Variants in ZCCHC2 observed in about 807,000 individuals in gnomAD.
The protein encoded by ZCCHC2 is zinc finger CCHC-type containing 2, also known as zinc finger CCHC domain-containing protein 2.
Under a neutral mutation model 103.6 loss-of-function variants are expected in ZCCHC2, and 39 were observed. The ratio of observed to expected loss-of-function variants is 0.38; its 90% CI spans 0.29 to 0.49. The LOEUF is 0.49. ZCCHC2 is among the 20% of genes least tolerant of loss of function. The probability of loss-of-function intolerance (pLI) is 0.96; values close to 1 mark genes in which losing one functional copy is unlikely to be tolerated. For synonymous variants in ZCCHC2, 687 were observed against 608.9 expected (o/e 1.13, Z -1.89); for missense variants, 1,483 against 1,491.0 (o/e 0.99, Z 0.09).
intron 4 of ZCCHC2, among the ~76,000 whole-genome samples, chr18:62,546,867 C>T (rs2050022287): frequency 6.6e-6 from 1 of 152,204 alleles, no homozygotes; most frequent in Non-Finnish European, 1.5e-5. Context: ...CCTGCTTAGC[C>T]AGTATTTGGA....
chr18:62,548,533 G>C (rs1471042584), intron 4 of ZCCHC2, among the ~76,000 whole-genome samples: 1 of 152,182 alleles, frequency 6.6e-6, no homozygotes, highest in Non-Finnish European at 1.5e-5. Context: ...TATAAATTGT[G>C]TTTAAAATGG....
rs564567820 is a variant in ZCCHC2 at position 62,570,806 on chromosome 18, A to C, written c.1975+575A>C. 1.1e-4 allele frequency among the ~76,000 whole-genome samples: 16 copies of C among 152,240 alleles called. No homozygotes were observed. In the South Asian group the frequency reaches 1.7e-3, roughly 16 times the overall value. On this transcript the variant is annotated intron_variant, in intron 12 of 13. Transcript: ENST00000269499. ...TTTATTCATTCTGCCGATCTCTGCT[A>C]TTTGTCCATTTACATTTAATGTAAT...
chr18:62,542,563 T>C lies in ZCCHC2; in HGVS notation c.1117T>C (p.Tyr373His). 1 of 1,561,536 alleles carries C rather than the reference T, an allele frequency of 6.4e-7. No individual in the cohort carries two copies. The highest frequency in any genetic ancestry group is 2.4e-5 in the East Asian group (1 of 42,264). The change falls in exon 3 of 14, where the codon TAC becomes CAC. Residue 373 changes from tyrosine (Y) to histidine (H), a missense_variant. By Grantham distance (83) the Tyr-to-His change is moderately conservative. Coordinates refer to ENST00000269499, the MANE Select transcript of ZCCHC2 (RefSeq NM_017742.6). ...AAAAAGAGCTGACAAATACTGGGAG[T>C]ACACTTTCAAAGTAAGCCATTTTCC... is the stretch of plus-strand genomic sequence containing the variant. ...QRKRADKYWEYTFKVNWSDLS... is the reference protein window; with the variant it reads ...QRKRADKYWEHTFKVNWSDLS...
rs373078662 is a variant in ZCCHC2 at position 62,539,115 on chromosome 18, C to G, written c.940-566C>G. 2.0e-5 allele frequency among the ~76,000 whole-genome samples: 3 copies of G among 152,102 alleles called. No individual in the cohort carries two copies. The South Asian group carries it at 6.2e-4, about 32-fold the overall frequency. ...TCGGATCTAGGAGTCAAAGTTACCC[C>G]GGTTCACTAGTGATTGGCTGAGCAA... On this transcript the variant is annotated intron_variant, in intron 1 of 13. Coordinates refer to ENST00000269499, the MANE Select transcript of ZCCHC2 (RefSeq NM_017742.6).
intron 1 of ZCCHC2, among the ~76,000 whole-genome samples, chr18:62,531,120 T>C (rs1914654948): frequency 6.6e-6 from 1 of 152,206 alleles, no homozygotes; most frequent in Non-Finnish European, 1.5e-5. Flanking sequence ...ACTGAACTTA[T>C]TTTATTGACT....
chr18:62,574,191 T>G lies in ZCCHC2; in HGVS notation c.2110T>G (p.Leu704Val). Residue 704 changes from leucine to valine, a missense_variant, in exon 13 of 14, where the codon TTA becomes GTA. Coordinates refer to ENST00000269499, the MANE Select transcript of ZCCHC2 (RefSeq NM_017742.6). ...ASLGNENGNL[L>V]EDPLNSPKYQ... ...ACTAGGAAATGAGAATGGAAACCTTTTAGAAGATCCCTTAAACTCACCCAA... is the reference window on the plus strand; with the variant it reads ...ACTAGGAAATGAGAATGGAAACCTTGTAGAAGATCCCTTAAACTCACCCAA... 6.2e-7 allele frequency: 1 copy of G among 1,614,066 alleles called. No homozygotes were observed. The highest frequency in any genetic ancestry group is 8.5e-7 in the Non-Finnish European group (1 of 1,179,894).
chr18:62,558,417 C>T (rs2092906860), intron 6 of ZCCHC2: 1 of 214,086 alleles, frequency 4.7e-6, no homozygotes, highest in South Asian at 1.8e-4. Flanking sequence ...ACTTTATTTC[C>T]TCATTTTGCA....
At chr18:62,575,988 G>C (rs1251403627) in intron 13 of ZCCHC2, among the ~76,000 whole-genome samples, 1 of 150,830 alleles carries the variant, frequency 6.6e-6, no homozygotes, top group African/African-American at 2.4e-5. Flanking sequence ...GCTGCCTCAT[G>C]CCTGTTTCCC....
rs1175752766 is a variant in ZCCHC2 at position 62,576,659 on chromosome 18, T to C, written c.*80T>C. On this transcript the variant is annotated 3_prime_UTR_variant, in exon 14 of 14. Coordinates refer to ENST00000269499, the MANE Select transcript of ZCCHC2 (RefSeq NM_017742.6). ...GGAGGGGAGGAAAGGAAAGGTATTTTGTTTCTTTGTCTATACATTTCCTAG... is the reference window on the plus strand; with the variant it reads ...GGAGGGGAGGAAAGGAAAGGTATTTCGTTTCTTTGTCTATACATTTCCTAG... 5.8e-6 allele frequency: 8 copies of C among 1,369,718 alleles called. No homozygotes were observed. Among genetic ancestry groups the C allele is most frequent in the African/African-American group, 1.4e-5 (1 of 69,428 alleles). The allele number at this position is 1,369,718 out of a possible 1,614,324, so 84.8% of individuals were successfully genotyped here. A position where few individuals can be genotyped will look rare whatever the true frequency, so the allele number is the denominator to read the frequency against.
At chr18:62,547,598 C>T (rs1442883742) in intron 4 of ZCCHC2, among the ~76,000 whole-genome samples, 1 of 150,828 alleles carries the variant, frequency 6.6e-6, no homozygotes, top group Non-Finnish European at 1.5e-5. Flanking sequence ...ATATCCCAGG[C>T]TGGAGTGTAA....
intron 1 of ZCCHC2, among the ~76,000 whole-genome samples, chr18:62,536,751 CATTT>C (rs1914946194): frequency 1.3e-5 from 2 of 152,166 alleles, no homozygotes; most frequent in Admixed American, 6.5e-5. Flanking sequence ...AGAAAATAAA[CATTT>C]AATTAGTAGA....
intron 1 of ZCCHC2, among the ~76,000 whole-genome samples, chr18:62,533,686 G>A (rs1200999430): frequency 6.6e-6 from 1 of 151,946 alleles, no homozygotes; most frequent in Non-Finnish European, 1.5e-5. Flanking sequence ...GACCAACATA[G>A]TGAAACCCTG....
Position 62,544,784 on chromosome 18 carries a change from GTGT to G in ZCCHC2, c.1129-16_1129-14del. 1 of 1,534,242 alleles carries G rather than the reference GTGT, an allele frequency of 6.5e-7. No homozygotes were observed. On this transcript the variant is annotated splice_polypyrimidine_tract_variant and intron_variant, in intron 3 of 13. Coordinates refer to ENST00000269499, the MANE Select transcript of ZCCHC2 (RefSeq NM_017742.6). ...CCTAGGGAATAACCATATAATATGT[GTGT>G]TTTTTTTAAATCAGGTAAATTGGTC... is the stretch of plus-strand genomic sequence containing the variant.
Position 62,550,479 on chromosome 18 carries a change from C to T in ZCCHC2, c.1313+19C>T. ...TCCTAAGGTAATGATTTACCTGACG[C>T]CTATCATAGCAGCATACACACAGGA... On this transcript the variant is annotated intron_variant, in intron 5 of 13. Transcript: ENST00000269499. The T allele has an allele frequency of 1.3e-6, 2 of 1,583,910 alleles. No homozygotes were observed. Among genetic ancestry groups the T allele is most frequent in the Non-Finnish European group, 1.7e-6 (2 of 1,156,212 alleles).
intron 13 of ZCCHC2, 97 bp from the exon 14 acceptor site, chr18:62,576,415 C>G: frequency 9.8e-7 from 1 of 1,019,600 alleles, no homozygotes; most frequent in East Asian, 2.5e-5. Context: ...GACGAAGGTG[C>G]CTTGTGGAGA....
At chr18:62,524,823 TCTCCGGG>T (rs1304505825) in intron 1 of ZCCHC2, 1 of 162,232 alleles carries the variant, frequency 6.2e-6, no homozygotes, top group Non-Finnish European at 1.3e-5. Context: ...CCGCCTCCCG[TCTCCGGG>T]CTCTGCCGGG....
chr18:62,548,741 G>A (rs1915528558), intron 4 of ZCCHC2, among the ~76,000 whole-genome samples: 2 of 151,692 alleles, frequency 1.3e-5, no homozygotes, highest in South Asian at 4.2e-4. Context: ...TAACCAACAT[G>A]GAAACCCCAT....
At chr18:62,534,405 A>G (rs1269139232) in intron 1 of ZCCHC2, among the ~76,000 whole-genome samples, 4 of 152,008 alleles carry the variant, frequency 2.6e-5, no homozygotes, top group Admixed American at 2.0e-4. Flanking sequence ...TAGCAGTGAC[A>G]TTTTGATAGG....
At chr18:62,544,993 T>G (rs1435960511) in intron 4 of ZCCHC2, 120 bp downstream of exon 4, 1 of 731,884 alleles carries the variant, frequency 1.4e-6, no homozygotes, top group Non-Finnish European at 2.1e-6. Context: ...CTCAGAACTC[T>G]AAATGAACAT....
Sources: gnomAD v4.1 joint callset for allele counts (sites outside exome capture counted in the v4.1 genomes callset) on GRCh38, gnomAD v4.1.1 for gene constraint, MANE v1.5 for transcripts, NCBI Gene and HGNC (gene_info 2026-07-23, HGNC 2026-07-21) for gene names.